The following SFXN4 variants were observed in gnomAD, a reference collection of about 807,000 sequenced individuals.
The protein encoded by SFXN4 is sideroflexin 4.
Under a neutral mutation model 54.6 loss-of-function variants are expected in SFXN4, and 48 were observed. The ratio of observed to expected loss-of-function variants is 0.88; its 90% confidence interval spans 0.70 to 1.12. SFXN4 has a LOEUF of 1.12. Among genes scored for constraint, SFXN4 ranks in the 50% most tolerant of loss-of-function variants. The probability of loss-of-function intolerance (pLI) is 0.00; values close to 1 mark genes in which losing one functional copy is unlikely to be tolerated. For synonymous variants in SFXN4, 130 were observed against 145.5 expected (o/e 0.89, Z 0.77); for missense variants, 383 against 409.2 (o/e 0.94, Z 0.55).
At chr10:119,161,424 C>CAAAAAAAAAAA (rs1589648449) in intron 3 of SFXN4, among the ~76,000 whole-genome samples, 1 of 50,244 alleles carries the variant, frequency 2.0e-5, no homozygotes. Flanking sequence ...ACAACAACAA[C>CAAAAAAAAAAA]AACAAAAAAA....
At chr10:119,142,373 C>T (rs555254104) in intron 13 of SFXN4, among the ~76,000 whole-genome samples, 1 of 152,110 alleles carries the variant, frequency 6.6e-6, no homozygotes, top group South Asian at 2.1e-4. Flanking sequence ...TGTCATGTCA[C>T]CTACAAGTTC....
rs551083590 is a variant in SFXN4, at chr10:119,161,062, C to T, written c.272G>A (p.Arg91Gln). Residue 91 changes from arginine (R) to glutamine (Q), a missense_variant, in exon 4 of 14, where the codon CGG becomes CAG. Physicochemically the swap from Arg to Gln is conservative, Grantham distance 43. Transcript: ENST00000355697. ...ADQRIQEAWK[R>Q]SLATVHPDSS... ...GAAGGGGCTGAAACTTACAAGACTC[C>T]GCTTCCAAGCTTCTTGTATCTTAAA... 16 of 1,614,010 alleles carry T rather than the reference C, an allele frequency of 9.9e-6. No homozygotes were observed. The highest frequency in any genetic ancestry group is 4.5e-5 in the East Asian group (2 of 44,876).
chr10:119,164,084 T>G (rs1441684270), intron 2 of SFXN4, 47 bp downstream of exon 2: 1 of 1,168,214 alleles, frequency 8.6e-7, no homozygotes, highest in Non-Finnish European at 1.2e-6. Context: ...AGACTTCAAG[T>G]TTCAAAATAA....
intron 6 of SFXN4, among the ~76,000 whole-genome samples, chr10:119,159,125 A>G (rs1847406357): frequency 6.6e-6 from 1 of 151,934 alleles, no homozygotes; most frequent in Non-Finnish European, 1.5e-5. Context: ...ACTAAAAATA[A>G]AAACATTAGC....
At chr10:119,149,907 G>A (rs1021764506) in intron 11 of SFXN4, among the ~76,000 whole-genome samples, 1 of 152,222 alleles carries the variant, frequency 6.6e-6, no homozygotes, top group East Asian at 1.9e-4. Context: ...GACACTCCAA[G>A]TGAGACGCCG....
intron 2 of SFXN4, among the ~76,000 whole-genome samples, 190 bp from the exon 3 acceptor site, chr10:119,162,604 C>T (rs1415563331): frequency 6.6e-6 from 1 of 152,098 alleles, no homozygotes; most frequent in Admixed American, 6.6e-5. Context: ...TTTATGCCTT[C>T]CTCTTCCTAG....
chr10:119,162,782 TTTTC>T (rs544509483), intron 2 of SFXN4, among the ~76,000 whole-genome samples: 58 of 152,048 alleles, frequency 3.8e-4, no homozygotes, highest in African/African-American at 1.2e-3. Context: ...TTTCCTCTCT[TTTTC>T]TTTCTTTCTT....
intron 12 of SFXN4, among the ~76,000 whole-genome samples, chr10:119,146,712 G>A (rs1352837966): frequency 6.6e-6 from 1 of 152,058 alleles, no homozygotes; most frequent in African/African-American, 2.4e-5. Flanking sequence ...GGGATTATAG[G>A]CGCCCGCCAC....
chr10:119,161,825 G>A (rs538718320), intron 3 of SFXN4, among the ~76,000 whole-genome samples: 1 of 152,330 alleles, frequency 6.6e-6, no homozygotes, highest in Admixed American at 6.5e-5. Context: ...TCAGCCCAGG[G>A]TCCCCAGCAC....
chr10:119,147,931 G>A lies in SFXN4; in HGVS notation c.733-71C>T, dbSNP rs907355663. On this transcript the variant is annotated intron_variant, in intron 11 of 13. Transcript: ENST00000355697. ...CACGCCTGTAATCCCTGCACTTTGG[G>A]AGGCCGAGGCGGGTAGATCGCTTGA... is the stretch of plus-strand genomic sequence containing the variant. 3.2e-5 allele frequency: 41 copies of A among 1,262,522 alleles called. 1 individual carries two copies. The South Asian group carries it at 4.9e-4, about 15-fold the overall frequency. The allele number at this position is 1,262,522 out of a possible 1,614,324, so 78.2% of individuals were successfully genotyped here.
intron 11 of SFXN4, among the ~76,000 whole-genome samples, chr10:119,149,263 T>A (rs915236897): frequency 5.3e-5 from 8 of 152,146 alleles, no homozygotes; most frequent in African/African-American, 1.9e-4. Flanking sequence ...CCCTGAACTC[T>A]GTTCCTTCCA....
intron 2 of SFXN4, 54 bp from the exon 3 acceptor site, chr10:119,162,468 T>C: frequency 1.4e-6 from 2 of 1,471,928 alleles, no homozygotes; most frequent in Non-Finnish European, 9.5e-7. Context: ...TTCAGGTTTA[T>C]CCCCAGAGGT....
At chr10:119,142,898 A>AT (rs751760753) in intron 13 of SFXN4, among the ~76,000 whole-genome samples, 3 of 151,298 alleles carry the variant, frequency 2.0e-5, no homozygotes, top group Non-Finnish European at 4.4e-5. Context: ...TGCCTGGCTA[A>AT]TTTTTTTGTA....
intron 9 of SFXN4, among the ~76,000 whole-genome samples, chr10:119,156,997 G>C (rs1348297314): frequency 6.6e-6 from 1 of 152,184 alleles, no homozygotes; most frequent in Non-Finnish European, 1.5e-5. Flanking sequence ...TTAAAGGTTT[G>C]AGCCAGGATG....
intron 13 of SFXN4, among the ~76,000 whole-genome samples, chr10:119,142,481 G>C (rs1846572122): frequency 6.7e-6 from 1 of 149,426 alleles, no homozygotes; most frequent in South Asian, 2.1e-4. Context: ...AACAAAATTA[G>C]TAATAACTCC....
Position 119,165,656 on chromosome 10 carries a change from G to A in SFXN4, c.-9C>T. On this transcript the variant is annotated 5_prime_UTR_variant, in exon 1 of 14. Coordinates refer to ENST00000355697, the MANE Select transcript of SFXN4 (RefSeq NM_213649.2). ...TCCTGTTCCAGGGACATTTTGCGCTGGTTAGAGTGGCCGCCGCCGCCAGGC... is the reference window on the plus strand; with the variant it reads ...TCCTGTTCCAGGGACATTTTGCGCTAGTTAGAGTGGCCGCCGCCGCCAGGC... 6.4e-7 allele frequency: 1 copy of A among 1,558,180 alleles called. No homozygotes were observed. Among genetic ancestry groups the A allele is most frequent in the Non-Finnish European group, 8.6e-7 (1 of 1,157,740 alleles).
At chr10:119,142,924 G>T (rs2133562844) in intron 13 of SFXN4, among the ~76,000 whole-genome samples, 1 of 151,540 alleles carries the variant, frequency 6.6e-6, no homozygotes, top group Non-Finnish European at 1.5e-5. Context: ...AGTAGAGACG[G>T]GGTTTCACTG....
chr10:119,143,618 C>T lies in SFXN4; in HGVS notation c.937-2299G>A, dbSNP rs545331020. Among the ~76,000 whole-genome samples the T allele has an allele frequency of 3.9e-5, 6 of 152,248 alleles. No individual in the cohort carries two copies. The South Asian group carries it at 1.2e-3, about 32-fold the overall frequency. On this transcript the variant is annotated intron_variant, in intron 13 of 13. Transcript: ENST00000355697. The stretch of plus-strand genomic sequence containing the variant: ...TCGGCCTCCCAAAGTGCTGGGATTA[C>T]AGGCATGACCCACTGTGCCCAGCCA...
At position 119,165,675 on chromosome 10, in the gene SFXN4, G is replaced by C; in HGVS notation, c.-28C>G. 6.6e-7 allele frequency: 1 copy of C among 1,509,428 alleles called. No homozygotes were observed. 93.5% of individuals were successfully genotyped at this position (1,509,428 alleles called of 1,614,324 possible). A position where few individuals can be genotyped will look rare whatever the true frequency, so the allele number is the denominator to read the frequency against. ...TGCGCTGGTTAGAGTGGCCGCCGCCGCCAGGCCGCGCGTGGAGGAGGAGCC... is the reference window on the plus strand; with the variant it reads ...TGCGCTGGTTAGAGTGGCCGCCGCCCCCAGGCCGCGCGTGGAGGAGGAGCC... On this transcript the variant is annotated 5_prime_UTR_variant, in exon 1 of 14. Transcript: ENST00000355697.
Sources: gnomAD v4.1 joint callset for allele counts (sites outside exome capture counted in the v4.1 genomes callset) on GRCh38, gnomAD v4.1.1 for gene constraint, MANE v1.5 for transcripts, NCBI Gene and HGNC (gene_info 2026-07-23, HGNC 2026-07-21) for gene names.